Variants in DLG1 observed in about 807,000 individuals in gnomAD.
DLG1 encodes the protein discs large MAGUK scaffold protein 1.
In DLG1, 42 loss-of-function variants were observed where a neutral mutation model predicts 123.4. That is an observed-to-expected ratio of 0.34 (90% CI 0.27 to 0.44). The LOEUF is 0.44. DLG1 is among the 20% of genes least tolerant of loss of function. The probability of loss-of-function intolerance (pLI) is 1.00; values close to 1 mark genes in which losing one functional copy is unlikely to be tolerated. For missense variants in DLG1, 942 were observed against 1,082.6 expected, an observed-to-expected ratio of 0.87 and a Z score of 1.82; for synonymous variants, 317 against 356.2, an observed-to-expected ratio of 0.89 and a Z score of 1.24.
intron 12 of DLG1, among the ~76,000 whole-genome samples, chr3:197,116,604 A>C (rs977520911): frequency 3.9e-5 from 6 of 152,298 alleles, no homozygotes; most frequent in Admixed American, 1.3e-4. Context: ...AATGAAGGGA[A>C]ATTTTATTGT....
At chr3:197,059,798 T>C (rs142181959) in intron 23 of DLG1, 91 bp downstream of exon 23, 17 of 799,330 alleles carry the variant, frequency 2.1e-5, no homozygotes, top group East Asian at 1.3e-4. Context: ...CTCAATTTTA[T>C]AGATAAACTG....
intron 17 of DLG1, 115 bp downstream of exon 17, chr3:197,080,936 T>G (rs912083048): frequency 3.4e-6 from 3 of 894,714 alleles, no homozygotes; most frequent in Non-Finnish European, 5.0e-6. Flanking sequence ...TATCTACCAT[T>G]GTAAAGCACC....
intron 4 of DLG1, among the ~76,000 whole-genome samples, chr3:197,269,147 G>A (rs1762914972): frequency 6.6e-6 from 1 of 151,840 alleles, no homozygotes; most frequent in African/African-American, 2.4e-5. Context: ...AGATAAACTA[G>A]TAACATAATT....
chr3:197,124,313 C>T (rs1051819739), intron 11 of DLG1, among the ~76,000 whole-genome samples: 15 of 152,180 alleles, frequency 9.9e-5, no homozygotes, highest in Admixed American at 3.9e-4. Context: ...CTTGCTTTGT[C>T]GCCCAGGCTG....
intron 4 of DLG1, among the ~76,000 whole-genome samples, chr3:197,241,866 T>A (rs2150743952): frequency 6.6e-6 from 1 of 152,140 alleles, no homozygotes; most frequent in South Asian, 2.1e-4. Flanking sequence ...AAGCAACACA[T>A]TAAAACATAC....
In DLG1 at chr3:197,149,798, T is replaced by G. The variant is rs982950633; in HGVS notation, c.484-2A>C. 18 of 1,575,018 alleles carry G rather than the reference T, an allele frequency of 1.1e-5. No homozygotes were observed. Among genetic ancestry groups the G allele is most frequent in the Non-Finnish European group, 1.4e-5 (16 of 1,148,764 alleles). Reference sequence around the variant, plus strand: ...GACCAGTACTGGGGGAGGATTTGCCTTTAAGAAGAAATTGTAAATGTGTTA... The same window carrying G: ...GACCAGTACTGGGGGAGGATTTGCCGTTAAGAAGAAATTGTAAATGTGTTA... On this transcript the variant is annotated splice_acceptor_variant, in intron 5 of 24. Coordinates refer to ENST00000667157, the MANE Select transcript of DLG1 (RefSeq NM_001366207.1). LOFTEE classifies it high-confidence loss of function.
At chr3:197,085,796 A>G (rs1753990206) in intron 15 of DLG1, 40 bp from the exon 16 acceptor site, 1 of 1,564,722 alleles carries the variant, frequency 6.4e-7, no homozygotes, top group Non-Finnish European at 8.7e-7. Context: ...CACTTGTTAT[A>G]ATATTAATCA....
intron 15 of DLG1, 21 bp from the exon 16 acceptor site, chr3:197,085,777 GT>G (rs758377196): frequency 6.3e-7 from 1 of 1,599,334 alleles, no homozygotes; most frequent in East Asian, 2.2e-5. Flanking sequence ...AAGAAAAAAA[GT>G]CCATAATCAC....
At chr3:197,276,224 G>A (rs1030091325) in intron 4 of DLG1, among the ~76,000 whole-genome samples, 1 of 152,092 alleles carries the variant, frequency 6.6e-6, no homozygotes, top group African/African-American at 2.4e-5. Flanking sequence ...GTGTTTATCC[G>A]ATCTCTTACC....
At chr3:197,234,979 A>C (rs1308049102) in intron 4 of DLG1, among the ~76,000 whole-genome samples, 1 of 152,156 alleles carries the variant, frequency 6.6e-6, no homozygotes, top group Non-Finnish European at 1.5e-5. Flanking sequence ...AAATATGAAA[A>C]AACTTCTACG....
intron 14 of DLG1, among the ~76,000 whole-genome samples, chr3:197,093,315 T>C (rs978235350): frequency 6.6e-6 from 1 of 152,132 alleles, no homozygotes; most frequent in Non-Finnish European, 1.5e-5. Flanking sequence ...TGCGCTAACA[T>C]GCCCAGCTAA....
intron 4 of DLG1, among the ~76,000 whole-genome samples, chr3:197,265,014 T>G (rs1761091190): frequency 6.6e-6 from 1 of 152,220 alleles, no homozygotes; most frequent in Admixed American, 6.5e-5. Context: ...TTACAGGTTT[T>G]AAGGCTGTAC....
At chr3:197,066,164 G>C (rs1382952119) in intron 20 of DLG1, among the ~76,000 whole-genome samples, 1 of 152,188 alleles carries the variant, frequency 6.6e-6, no homozygotes, top group African/African-American at 2.4e-5. Context: ...GGGCAGAACA[G>C]AAACTGGATG....
At chr3:197,262,604 G>C (rs979773176) in intron 4 of DLG1, among the ~76,000 whole-genome samples, 42 of 152,174 alleles carry the variant, frequency 2.8e-4, no homozygotes, top group African/African-American at 9.4e-4. Context: ...GCAGTCTTGT[G>C]GGGCTGAGCC....
chr3:197,240,447 C>T (rs914048223), intron 4 of DLG1, among the ~76,000 whole-genome samples: 1 of 152,166 alleles, frequency 6.6e-6, no homozygotes, highest in Non-Finnish European at 1.5e-5. Flanking sequence ...AAAACCAAAA[C>T]AAGCCAGACA....
intron 4 of DLG1, among the ~76,000 whole-genome samples, chr3:197,228,756 T>C (rs1460408046): frequency 6.6e-6 from 1 of 152,186 alleles, no homozygotes; most frequent in Non-Finnish European, 1.5e-5. Context: ...ATATCCCAGA[T>C]ACATTCAGCC....
At chr3:197,263,538 G>A (rs1760393648) in intron 4 of DLG1, among the ~76,000 whole-genome samples, 1 of 152,178 alleles carries the variant, frequency 6.6e-6, no homozygotes, top group South Asian at 2.1e-4. Flanking sequence ...TGTAATCCCA[G>A]CACTTTGGGA....
chr3:197,139,269 G>C (rs959050847), intron 8 of DLG1, among the ~76,000 whole-genome samples: 2 of 152,076 alleles, frequency 1.3e-5, no homozygotes, highest in Non-Finnish European at 2.9e-5. Flanking sequence ...GTCCTGACAA[G>C]CTTCTATATC....
chr3:197,110,513 G>T (rs528307728), intron 13 of DLG1, among the ~76,000 whole-genome samples: 11 of 152,100 alleles, frequency 7.2e-5, no homozygotes, highest in Admixed American at 7.2e-4. Context: ...CCCTAGGAAC[G>T]ATATCCATTG....
Sources: gnomAD v4.1 joint callset for allele counts (sites outside exome capture counted in the v4.1 genomes callset) on GRCh38, gnomAD v4.1.1 for gene constraint, MANE v1.5 for transcripts, NCBI Gene and HGNC (gene_info 2026-07-23, HGNC 2026-07-21) for gene names.